Variants in NFATC2 observed in about 807,000 individuals in gnomAD.
The protein encoded by NFATC2 is nuclear factor of activated T-cells, cytoplasmic 2.
Under a neutral mutation model 87.3 loss-of-function variants are expected in NFATC2, and 22 were observed. The observed-to-expected ratio is 0.25, with a 90% CI of 0.18 to 0.36. The LOEUF (loss-of-function observed/expected upper bound fraction) is 0.36, where lower values mean the gene tolerates loss of function less well. Ranked by LOEUF, NFATC2 falls within the 10% of genes least tolerant of loss-of-function variation. The pLI, the probability that NFATC2 is intolerant of heterozygous loss-of-function variation, is 1.00. For missense variants in NFATC2, 1,149 were observed against 1,259.1 expected (o/e 0.91, Z 1.32); for synonymous variants, 565 against 542.2 (o/e 1.04, Z -0.58).
At chr20:51,531,339 C>A (rs889381893) in intron 1 of NFATC2, among the ~76,000 whole-genome samples, 3 of 152,242 alleles carry the variant, frequency 2.0e-5, no homozygotes, top group Non-Finnish European at 4.4e-5. Context: ...TCAGCCCTGG[C>A]AGGTGACGCT....
Position 51,480,818 on chromosome 20 carries a change from C to T in NFATC2, c.1333-5158G>A, listed in dbSNP as rs1382764679. On this transcript the variant is annotated intron_variant, in intron 3 of 10. Transcript: ENST00000371564. The surrounding 1 kb of genome is among the most constrained non-coding windows in gnomAD (Gnocchi z 4.2). ...CAGCACACGGTAGGTACCCATGAAA[C>T]GAGAACTTTCCTTGTCATCGGAGGA... Among the ~76,000 whole-genome samples, 1 of 152,158 alleles carries T rather than the reference C, an allele frequency of 6.6e-6. No individual in the cohort carries two copies. Among genetic ancestry groups the T allele is most frequent in the Non-Finnish European group, 1.5e-5 (1 of 68,014 alleles).
At position 51,490,136 on chromosome 20, in the gene NFATC2, CAAT is replaced by C. The variant is rs543378270; in HGVS notation, c.1333-14479_1333-14477del. Among the ~76,000 whole-genome samples the C allele has an allele frequency of 5.7e-3, 869 of 152,334 alleles. 8 individuals are homozygous for C. The highest frequency in any genetic ancestry group is 0.014 in the South Asian group (66 of 4,830). Reference sequence around the variant, plus strand: ...CTATAATTAATCATAATAACAACAACAATGACAGCTAATAATGTATTGCGTGCT... The same window carrying C: ...CTATAATTAATCATAATAACAACAACGACAGCTAATAATGTATTGCGTGCT... On this transcript the variant is annotated intron_variant, in intron 3 of 10. Transcript: ENST00000371564.
upstream of NFATC2, chr20:51,562,806 G>A (rs1466926089): frequency 5.3e-6 from 3 of 565,812 alleles, no homozygotes; most frequent in African/African-American, 3.9e-5. This position sits in a 1 kb window ranked among gnomAD's most constrained non-coding sequence, Gnocchi z 5.8. Flanking sequence ...GAGTCGGCGC[G>A]GCTCCGCGAT....
At chr20:51,492,239 T>C (rs2075904072) in intron 3 of NFATC2, among the ~76,000 whole-genome samples, 1 of 151,492 alleles carries the variant, frequency 6.6e-6, no homozygotes. Context: ...TCAGAGTGAA[T>C]GGATTCACAG....
intron 1 of NFATC2, among the ~76,000 whole-genome samples, chr20:51,529,862 T>C (rs1302212867): frequency 1.1e-4 from 17 of 152,136 alleles, no homozygotes; most frequent in Non-Finnish European, 2.9e-5. Flanking sequence ...TAAAACTTAC[T>C]AAATTCAAGC....
At chr20:51,464,349 C>A (rs1987459672) in intron 5 of NFATC2, among the ~76,000 whole-genome samples, 1 of 152,198 alleles carries the variant, frequency 6.6e-6, no homozygotes, top group Non-Finnish European at 1.5e-5. Context: ...TACTATTATT[C>A]TCCCCATTTT....
intron 9 of NFATC2, among the ~76,000 whole-genome samples, chr20:51,415,512 C>A (rs1979928864): frequency 6.6e-6 from 1 of 152,118 alleles, no homozygotes; most frequent in African/African-American, 2.4e-5. Flanking sequence ...CCAGGAAAAC[C>A]AAGAGCTCCT....
At chr20:51,496,291 G>A (rs1306252980) in intron 3 of NFATC2, among the ~76,000 whole-genome samples, 2 of 152,134 alleles carry the variant, frequency 1.3e-5, no homozygotes, top group Admixed American at 6.5e-5. Context: ...GTTAACTAGT[G>A]TCAGCTGCTG....
At chr20:51,414,359 T>C (rs985601522) in intron 9 of NFATC2, among the ~76,000 whole-genome samples, 2 of 152,142 alleles carry the variant, frequency 1.3e-5, no homozygotes, top group Non-Finnish European at 2.9e-5. Flanking sequence ...AGCAGAGACA[T>C]TGTCAGAGCC....
At chr20:51,527,142 C>A (rs1016086690) in intron 1 of NFATC2, among the ~76,000 whole-genome samples, 1 of 149,204 alleles carries the variant, frequency 6.7e-6, no homozygotes, top group East Asian at 2.0e-4. Flanking sequence ...CTCAAGTGAT[C>A]CTCCCACCTC....
At position 51,524,000 on chromosome 20, in the gene NFATC2, C is replaced by T; in HGVS notation, c.241G>A (p.Glu81Lys). ...GGCTCTCCGAATCGGCCGGGGGGCT[C>T]GCCAGAGAGACTAGCAAGGGGGCTG... ...PYSPLASLSG[E>K]PPGRFGEPDR... Residue 81 changes from glutamate to lysine, a missense_variant, in exon 2 of 11, where the codon GAG becomes AAG. Around this residue, in one of 3 missense-constraint regions of NFATC2, gnomAD observed 563 missense variants for 585.2 expected, o/e 0.96. Coordinates refer to ENST00000371564, the MANE Select transcript of NFATC2 (RefSeq NM_012340.5). The surrounding 1 kb of genome is among the most constrained non-coding windows in gnomAD (Gnocchi z 6.9). 1.9e-6 allele frequency: 3 copies of T among 1,566,454 alleles called. No homozygotes were observed. The highest frequency in any genetic ancestry group is 2.6e-6 in the Non-Finnish European group (3 of 1,161,828).
chr20:51,562,669 G>A (rs768665801), upstream of NFATC2: 8 of 1,536,728 alleles, frequency 5.2e-6, no homozygotes, highest in Non-Finnish European at 7.1e-6. This position sits in a 1 kb window ranked among gnomAD's most constrained non-coding sequence, Gnocchi z 5.8. Flanking sequence ...TGGAAAGGGG[G>A]ATCTGTTTGT....
At chr20:51,550,238 G>C (rs1181931993) in intron 1 of NFATC2, among the ~76,000 whole-genome samples, 1 of 152,148 alleles carries the variant, frequency 6.6e-6, no homozygotes, top group East Asian at 1.9e-4. Context: ...TGAGGCTGCA[G>C]TGAGCCATGA....
intron 9 of NFATC2, among the ~76,000 whole-genome samples, chr20:51,426,766 T>C (rs1981894777): frequency 6.6e-6 from 1 of 152,106 alleles, no homozygotes; most frequent in South Asian, 2.1e-4. Flanking sequence ...GTGGTCACTT[T>C]TGTAGAAGGG....
Position 51,432,701 on chromosome 20 carries a change from G to A in NFATC2, c.2088C>T (p.Ser696=), listed in dbSNP as rs1470433812. 5 of 1,584,522 alleles carry A rather than the reference G, an allele frequency of 3.2e-6. No individual in the cohort carries two copies. The highest frequency in any genetic ancestry group is 4.5e-5 in the East Asian group (2 of 44,716). Residue 696 remains serine, a synonymous_variant, in exon 9 of 11, where the codon AGC becomes AGT. Coordinates refer to ENST00000371564, the MANE Select transcript of NFATC2 (RefSeq NM_012340.5). The surrounding 1 kb of genome is among the most constrained non-coding windows in gnomAD (Gnocchi z 4.6). ...TDEYDPTLIC[S]PTHGGLGSQP... ...GGCTCCCCAGGCCTCCATGGGTGGG[G>A]CTGCAGATCAGAGTGGGGTCATATT...
At chr20:51,561,326 A>AT (rs2077019442) in intron 1 of NFATC2, among the ~76,000 whole-genome samples, 1 of 109,716 alleles carries the variant, frequency 9.1e-6, no homozygotes, top group African/African-American at 4.0e-5. Context: ...AATCTAGTTA[A>AT]AAAAAAAAAA....
At chr20:51,531,280 C>T (rs533810989) in intron 1 of NFATC2, among the ~76,000 whole-genome samples, 46 of 152,360 alleles carry the variant, frequency 3.0e-4, no homozygotes, top group Admixed American at 2.8e-3. Flanking sequence ...CAACTCATGA[C>T]TCACGCCCTC....
intron 10 of NFATC2, among the ~76,000 whole-genome samples, chr20:51,396,264 T>C (rs1229381483): frequency 3.3e-5 from 5 of 151,960 alleles, no homozygotes; most frequent in Non-Finnish European, 7.4e-5. Flanking sequence ...CCCAGACACC[T>C]GCATGTACTT....
At chr20:51,414,079 C>G (rs984681287) in intron 9 of NFATC2, among the ~76,000 whole-genome samples, 2 of 152,154 alleles carry the variant, frequency 1.3e-5, no homozygotes, top group Admixed American at 1.3e-4. Context: ...TCATTCGATA[C>G]CACAAATATT....
Sources: gnomAD v4.1 joint callset for allele counts (sites outside exome capture counted in the v4.1 genomes callset) on GRCh38, gnomAD v4.1.1 for gene constraint, gnomAD v4.1.1 regional missense constraint, Gnocchi (gnomAD v3.1) non-coding constraint, MANE v1.5 for transcripts, NCBI Gene and HGNC (gene_info 2026-07-23, HGNC 2026-07-21) for gene names.